The following EVI5 variants were observed in gnomAD, a reference collection of about 807,000 sequenced individuals.
EVI5 encodes ecotropic viral integration site 5 protein homolog.
Under a neutral mutation model 112.0 loss-of-function variants are expected in EVI5, and 73 were observed. The observed-to-expected ratio is 0.65, with a 90% confidence interval of 0.54 to 0.79. The LOEUF (loss-of-function observed/expected upper bound fraction) is 0.79, where lower values mean the gene tolerates loss of function less well. Among genes scored for constraint, EVI5 ranks in the 30% least tolerant of loss-of-function variants. The pLI, the probability that EVI5 is intolerant of heterozygous loss-of-function variation, is 0.00. For missense variants in EVI5, 900 were observed against 968.8 expected (o/e 0.93, Z 0.94); for synonymous variants, 305 against 319.9 (o/e 0.95, Z 0.50).
chr1:92,563,925 T>TAA (rs1669013260), intron 18 of EVI5, among the ~76,000 whole-genome samples, 188 bp from the exon 19 acceptor site: 1 of 152,236 alleles, frequency 6.6e-6, no homozygotes, highest in South Asian at 2.1e-4. Flanking sequence ...ATTAATTAAT[T>TAA]TATTTATTTA....
Position 92,632,543 on chromosome 1 carries a change from T to C in EVI5, c.1527+3659A>G, listed in dbSNP as rs1657413231. On this transcript the variant is annotated intron_variant, in intron 14 of 19. Coordinates refer to ENST00000684568, the MANE Select transcript of EVI5 (RefSeq NM_001350197.2). ...GTGATATCCCCTTTATCATTTTTTA[T>C]TGCGTCTATTTGATTATTCTCTCTT... 1.3e-5 allele frequency among the ~76,000 whole-genome samples: 2 copies of C among 152,098 alleles called. 1 individual carries two copies. Among genetic ancestry groups the C allele is most frequent in the South Asian group, 4.1e-4 (2 of 4,824 alleles).
intron 18 of EVI5, among the ~76,000 whole-genome samples, chr1:92,568,704 TC>T (rs1277006978): frequency 6.6e-6 from 1 of 152,182 alleles, no homozygotes. Flanking sequence ...CAACCCCTTC[TC>T]TTCCTCCTCC....
At chr1:92,603,170 G>A (rs909665384) in intron 18 of EVI5, among the ~76,000 whole-genome samples, 1 of 152,148 alleles carries the variant, frequency 6.6e-6, no homozygotes, top group African/African-American at 2.4e-5. Flanking sequence ...CCATTAGGAT[G>A]GTACTTATAA....
chr1:92,613,855 T>C (rs1245028480), intron 16 of EVI5, among the ~76,000 whole-genome samples: 2 of 152,182 alleles, frequency 1.3e-5, no homozygotes, highest in Admixed American at 6.5e-5. Flanking sequence ...CCTCCCAAAG[T>C]GTTGGGGATT....
intron 13 of EVI5, among the ~76,000 whole-genome samples, chr1:92,642,875 A>G (rs1660242092): frequency 6.6e-6 from 1 of 152,208 alleles, no homozygotes; most frequent in African/African-American, 2.4e-5. Context: ...GCAGCTTTTA[A>G]CTCAAATTCC....
chr1:92,578,446 G>A (rs934503226), intron 18 of EVI5, among the ~76,000 whole-genome samples: 9 of 152,076 alleles, frequency 5.9e-5, no homozygotes, highest in Admixed American at 3.3e-4. Context: ...TAAAATGGAC[G>A]GCCGGGCGCC....
intron 2 of EVI5, among the ~76,000 whole-genome samples, chr1:92,705,062 G>T (rs1267992663): frequency 6.6e-6 from 1 of 152,008 alleles, no homozygotes; most frequent in African/African-American, 2.4e-5. Context: ...ATTTGGGTAG[G>T]CTTCAGGAAA....
At chr1:92,790,763 G>A (rs1266816770) in intron 1 of EVI5, among the ~76,000 whole-genome samples, 1 of 150,574 alleles carries the variant, frequency 6.6e-6, no homozygotes, top group Non-Finnish European at 1.5e-5. Context: ...AGGTTGCAGT[G>A]AGCTGACATC....
intron 19 of EVI5, among the ~76,000 whole-genome samples, chr1:92,531,229 G>T (rs1662813312): frequency 7.5e-6 from 1 of 133,000 alleles, no homozygotes; most frequent in Non-Finnish European, 1.6e-5. Flanking sequence ...AAGAAGACAA[G>T]ATTAGAGAAA....
At chr1:92,683,605 T>A (rs577491780) in intron 9 of EVI5, among the ~76,000 whole-genome samples, 30 of 152,202 alleles carry the variant, frequency 2.0e-4, no homozygotes, top group Admixed American at 1.1e-3. Flanking sequence ...AATAACAAAC[T>A]TCTCTGAGCT....
intron 4 of EVI5, among the ~76,000 whole-genome samples, chr1:92,702,675 G>A (rs956383287): frequency 4.0e-5 from 6 of 150,904 alleles, no homozygotes; most frequent in Non-Finnish European, 5.9e-5. Context: ...GCGTAGTGGC[G>A]GGCGCATGTA....
At chr1:92,540,743 T>C (rs1664652790) in intron 19 of EVI5, among the ~76,000 whole-genome samples, 2 of 152,160 alleles carry the variant, frequency 1.3e-5, no homozygotes, top group African/African-American at 4.8e-5. Context: ...TCTAAGACAA[T>C]GAATTTTTCC....
chr1:92,753,509 A>C (rs181140110), intron 1 of EVI5, among the ~76,000 whole-genome samples: 1 of 152,378 alleles, frequency 6.6e-6, no homozygotes, highest in Admixed American at 6.5e-5. Context: ...ACATTATTTC[A>C]ATAGATAAGG....
intron 18 of EVI5, among the ~76,000 whole-genome samples, chr1:92,590,887 G>A (rs1000672367): frequency 9.9e-5 from 15 of 152,224 alleles, no homozygotes; most frequent in African/African-American, 3.4e-4. Context: ...CCCACAAAGG[G>A]AAGCCCATTA....
At chr1:92,536,883 A>G (rs1371432864) in intron 19 of EVI5, among the ~76,000 whole-genome samples, 2 of 152,156 alleles carry the variant, frequency 1.3e-5, no homozygotes, top group East Asian at 3.8e-4. Flanking sequence ...TTTTAAAGAG[A>G]CGTAACAAGT....
intron 19 of EVI5, among the ~76,000 whole-genome samples, chr1:92,531,217 G>A (rs531649432): frequency 1.3e-5 from 2 of 148,358 alleles, no homozygotes; most frequent in Non-Finnish European, 3.0e-5. Flanking sequence ...ATGAAATAAA[G>A]CAAGAAGACA....
intron 18 of EVI5, among the ~76,000 whole-genome samples, chr1:92,564,142 C>A (rs942713040): frequency 3.3e-5 from 5 of 152,018 alleles, no homozygotes; most frequent in African/African-American, 1.2e-4. Context: ...AGGCTGGTCT[C>A]AAACTTCTGA....
At chr1:92,770,604 C>T (rs1037723954) in intron 1 of EVI5, among the ~76,000 whole-genome samples, 2 of 152,002 alleles carry the variant, frequency 1.3e-5, no homozygotes, top group African/African-American at 4.8e-5. Context: ...TCCTGGCTAA[C>T]ACAGTGAAAC....
chr1:92,786,090 C>CAAAAAA (rs10651128), upstream of EVI5, among the ~76,000 whole-genome samples: 1 of 144,484 alleles, frequency 6.9e-6, no homozygotes, highest in African/African-American at 2.6e-5. Context: ...TACTCTGTCT[C>CAAAAAA]AAAAAAAAAA....
Sources: gnomAD v4.1 joint callset for allele counts (sites outside exome capture counted in the v4.1 genomes callset) on GRCh38, gnomAD v4.1.1 for gene constraint, MANE v1.5 for transcripts, NCBI Gene and HGNC (gene_info 2026-07-23, HGNC 2026-07-21) for gene names.